Variants in DPP6 observed in about 807,000 individuals in gnomAD.
DPP6 encodes A-type potassium channel modulatory protein DPP6.
Under a neutral mutation model 122.6 loss-of-function variants are expected in DPP6, and 69 were observed. The ratio of observed to expected loss-of-function variants is 0.56; its 90% CI spans 0.46 to 0.69. DPP6 has a LOEUF of 0.69. Among genes scored for constraint, DPP6 ranks in the 30% least tolerant of loss-of-function variants. DPP6 has a pLI of 0.00. For synonymous variants in DPP6, 418 were observed against 433.1 expected (o/e 0.97, Z 0.43); for missense variants, 928 against 1,116.9 (o/e 0.83, Z 2.41).
intron 1 of DPP6, among the ~76,000 whole-genome samples, chr7:154,141,480 A>G (rs909277663): frequency 1.3e-5 from 2 of 152,210 alleles, no homozygotes; most frequent in Non-Finnish European, 2.9e-5. Context: ...TGTGCTTGGC[A>G]TGTAGTAGCT....
intron 1 of DPP6, among the ~76,000 whole-genome samples, chr7:153,918,978 C>CAAAAA (rs386411718): frequency 9.0e-5 from 8 of 89,322 alleles, no homozygotes; most frequent in East Asian, 6.6e-4. Flanking sequence ...GACTCTGTCT[C>CAAAAA]AAAAAAAAAA....
At chr7:153,989,757 C>T (rs1001581344) in intron 1 of DPP6, among the ~76,000 whole-genome samples, 2 of 151,932 alleles carry the variant, frequency 1.3e-5, no homozygotes, top group Non-Finnish European at 2.9e-5. Flanking sequence ...GGTACTGGTG[C>T]GAGGTTTGCC....
intron 23 of DPP6, among the ~76,000 whole-genome samples, chr7:154,888,686 T>C (rs1187293447): frequency 6.6e-6 from 1 of 152,174 alleles, no homozygotes; most frequent in Non-Finnish European, 1.5e-5. Context: ...CCCCCTCCTC[T>C]TCCAAAAAGG....
At chr7:154,464,986 A>C (rs914700303) in intron 2 of DPP6, among the ~76,000 whole-genome samples, 1 of 152,254 alleles carries the variant, frequency 6.6e-6, no homozygotes. Flanking sequence ...GTGCAGTCAG[A>C]AATTAATAAT....
chr7:153,999,958 C>T (rs1441500654), intron 1 of DPP6, among the ~76,000 whole-genome samples: 1 of 150,782 alleles, frequency 6.6e-6, no homozygotes, highest in Non-Finnish European at 1.5e-5. Flanking sequence ...AGACCCCCAT[C>T]TCAAAGAAAG....
the DPP6 span, among the ~76,000 whole-genome samples, chr7:153,838,476 G>C: frequency 2.6e-5 from 4 of 152,176 alleles, no homozygotes; most frequent in South Asian, 6.2e-4. Flanking sequence ...GTAGAAAGAA[G>C]TGAGAATTGT....
At chr7:154,217,297 C>A (rs1455823326) in intron 1 of DPP6, among the ~76,000 whole-genome samples, 3 of 152,138 alleles carry the variant, frequency 2.0e-5, no homozygotes, top group Non-Finnish European at 4.4e-5. Flanking sequence ...CTATGTCTAG[C>A]ACATGTTAAG....
Position 154,803,857 on chromosome 7 carries a change from G to T in DPP6, c.1408-7G>T. On this transcript the variant is annotated splice_polypyrimidine_tract_variant and splice_region_variant and intron_variant, in intron 13 of 25. Transcript: ENST00000377770. ...TCTGCTCCTGATGCCATGTCTGTGTGTTTCAGCCCAACAGCAGCAACGACA... is the reference window on the plus strand; with the variant it reads ...TCTGCTCCTGATGCCATGTCTGTGTTTTTCAGCCCAACAGCAGCAACGACA... 6.2e-7 allele frequency: 1 copy of T among 1,613,252 alleles called. No individual in the cohort carries two copies. The highest frequency in any genetic ancestry group is 8.5e-7 in the Non-Finnish European group (1 of 1,179,442).
chr7:153,795,198 C>T, the DPP6 span, among the ~76,000 whole-genome samples: 2 of 152,302 alleles, frequency 1.3e-5, no homozygotes, highest in African/African-American at 2.4e-5. Context: ...GGGTGGATCA[C>T]GAGGTCAGGA....
chr7:153,968,785 C>T (rs1396416775), intron 1 of DPP6: 5 of 151,092 alleles, frequency 3.3e-5, no homozygotes, highest in Non-Finnish European at 4.4e-5. Flanking sequence ...CCTAAATAGC[C>T]ATCGCTGTAG....
the DPP6 span, among the ~76,000 whole-genome samples, chr7:153,828,829 A>C: frequency 6.6e-6 from 1 of 152,216 alleles, no homozygotes; most frequent in South Asian, 2.1e-4. Flanking sequence ...TAAAGAAAGA[A>C]ATGATCTTGA....
chr7:154,126,264 A>C (rs530598677), intron 1 of DPP6, among the ~76,000 whole-genome samples: 7 of 152,246 alleles, frequency 4.6e-5, no homozygotes, highest in African/African-American at 1.7e-4. Context: ...TAAATGTGTG[A>C]TTGTGAAATA....
At chr7:153,981,982 C>T (rs552214310) in intron 1 of DPP6, among the ~76,000 whole-genome samples, 1 of 152,218 alleles carries the variant, frequency 6.6e-6, no homozygotes, top group African/African-American at 2.4e-5. Context: ...AACATTTTTT[C>T]CTTCATTTCA....
intron 1 of DPP6, among the ~76,000 whole-genome samples, chr7:154,234,075 G>T (rs1801062000): frequency 6.6e-6 from 1 of 152,150 alleles, no homozygotes; most frequent in Admixed American, 6.5e-5. Context: ...TATTTGGGGT[G>T]GCTAGAAGAT....
intron 18 of DPP6, among the ~76,000 whole-genome samples, chr7:154,872,396 G>A (rs1187530690): frequency 2.0e-5 from 3 of 152,354 alleles, no homozygotes; most frequent in East Asian, 3.9e-4. Context: ...ATGCAAGACT[G>A]AATGGAAGCT....
chr7:154,785,880 T>C (rs1392514544), intron 10 of DPP6, among the ~76,000 whole-genome samples: 2 of 152,248 alleles, frequency 1.3e-5, no homozygotes, highest in African/African-American at 4.8e-5. Context: ...TTTTTGTTTT[T>C]TACCTGAAAT....
chr7:153,877,709 C>G, the DPP6 span, among the ~76,000 whole-genome samples: 1 of 152,012 alleles, frequency 6.6e-6, no homozygotes, highest in South Asian at 2.1e-4. Context: ...TGACACAACT[C>G]AAAAAGCTAA....
At chr7:154,480,340 C>CA (rs1823148789) in intron 3 of DPP6, among the ~76,000 whole-genome samples, 1 of 152,178 alleles carries the variant, frequency 6.6e-6, no homozygotes. Context: ...AATCCACTCC[C>CA]GTTAGGCTAC....
intron 2 of DPP6, among the ~76,000 whole-genome samples, chr7:154,467,505 T>C (rs929862389): frequency 6.6e-6 from 1 of 152,172 alleles, no homozygotes; most frequent in Admixed American, 6.5e-5. Context: ...TCACAAAGGG[T>C]GCTTGCTTCC....
Sources: gnomAD v4.1 joint callset for allele counts (sites outside exome capture counted in the v4.1 genomes callset) on GRCh38, gnomAD v4.1.1 for gene constraint, MANE v1.5 for transcripts, NCBI Gene and HGNC (gene_info 2026-07-23, HGNC 2026-07-21) for gene names.